BCL2L13: variants seen among roughly 807,000 people sequenced by gnomAD.
BCL2L13 encodes bcl-2-like protein 13.
In BCL2L13, 13 loss-of-function variants were observed where a neutral mutation model predicts 25.8. The ratio of observed to expected loss-of-function variants is 0.50; its 90% CI spans 0.33 to 0.80. The LOEUF is 0.80. Ranked by LOEUF, BCL2L13 falls within the 30% of genes least tolerant of loss-of-function variation. The pLI is 0.02. For missense variants in BCL2L13, 504 were observed against 574.9 expected (o/e 0.88, Z 1.26); for synonymous variants, 244 against 230.3 (o/e 1.06, Z -0.54).
chr22:17,664,220 G>T (rs1328856777), intron 2 of BCL2L13, among the ~76,000 whole-genome samples: 1 of 152,076 alleles, frequency 6.6e-6, no homozygotes, highest in Non-Finnish European at 1.5e-5. Context: ...CCTGACCTCA[G>T]GTGATCCAGC....
At chr22:17,679,549 C>T (rs531437864) in intron 2 of BCL2L13, among the ~76,000 whole-genome samples, 113 of 151,574 alleles carry the variant, frequency 7.5e-4, no homozygotes, top group Non-Finnish European at 1.1e-3. Context: ...GGATTACAGG[C>T]GTGAGCCACT....
intron 2 of BCL2L13, among the ~76,000 whole-genome samples, chr22:17,666,431 ATTAT>A (rs1017673837): frequency 2.6e-5 from 4 of 151,852 alleles, no homozygotes; most frequent in East Asian, 1.9e-4. Context: ...GGTCTTAGTC[ATTAT>A]TTATTTATTT....
chr22:17,696,857 T>C (rs190894238), intron 5 of BCL2L13, among the ~76,000 whole-genome samples: 11 of 152,268 alleles, frequency 7.2e-5, no homozygotes, highest in African/African-American at 2.6e-4. Flanking sequence ...GACTGTATTA[T>C]TTACTTAGCA....
chr22:17,708,329 T>C (rs73876494), intron 6 of BCL2L13, among the ~76,000 whole-genome samples: 2,246 of 152,188 alleles, frequency 0.015, 57 homozygotes, highest in African/African-American at 0.051. Flanking sequence ...ATCTAAGAGG[T>C]AGGACAGCAT....
chr22:17,671,393 C>CAA (rs33951569), intron 2 of BCL2L13, among the ~76,000 whole-genome samples: 3 of 69,082 alleles, frequency 4.3e-5, no homozygotes, highest in Admixed American at 1.8e-4. Flanking sequence ...GACTCCATCT[C>CAA]AAAAAAAAAA....
At chr22:17,682,538 C>A (rs2059786431) in intron 2 of BCL2L13, among the ~76,000 whole-genome samples, 2 of 152,078 alleles carry the variant, frequency 1.3e-5, no homozygotes, top group South Asian at 2.1e-4. Context: ...TTATCATATT[C>A]CATCTTCATA....
Position 17,688,641 on chromosome 22 carries a change from G to C in BCL2L13, c.230-345G>C, listed in dbSNP as rs1432018986. Among the ~76,000 whole-genome samples the C allele has an allele frequency of 2.6e-5, 4 of 152,098 alleles. No individual in the cohort carries two copies. The East Asian group carries it at 5.8e-4, about 22-fold the overall frequency. On this transcript the variant is annotated intron_variant, in intron 3 of 6. Transcript: ENST00000317582. ...AAATTTATGACCTATCAATGTTTACGTGCCAACAAAGATTAATGTCCACAA... is the reference window on the plus strand; with the variant it reads ...AAATTTATGACCTATCAATGTTTACCTGCCAACAAAGATTAATGTCCACAA...
chr22:17,637,011 C>G (rs12157642), upstream of BCL2L13, among the ~76,000 whole-genome samples: 52,156 of 151,580 alleles, frequency 0.34, 10,478 homozygotes, highest in African/African-American at 0.54. Flanking sequence ...GGTGGCGCAC[C>G]CCTGTAATCC....
At chr22:17,632,286 T>G (rs1464456057) in intron 1 of BCL2L13, among the ~76,000 whole-genome samples, 1 of 152,136 alleles carries the variant, frequency 6.6e-6, no homozygotes, top group Admixed American at 6.6e-5. Context: ...GTGTACATAT[T>G]GGTATATATA....
intron 1 of BCL2L13, among the ~76,000 whole-genome samples, chr22:17,653,618 T>G (rs553576754): frequency 4.0e-4 from 61 of 151,090 alleles, no homozygotes; most frequent in Non-Finnish European, 7.8e-4. Flanking sequence ...CCTCCTGCCT[T>G]ATCAGCCTCC....
chr22:17,656,011 T>C (rs937186500), intron 2 of BCL2L13, among the ~76,000 whole-genome samples, 179 bp downstream of exon 2: 3 of 152,084 alleles, frequency 2.0e-5, no homozygotes, highest in African/African-American at 2.4e-5. Context: ...GGGAGGCTGA[T>C]GTGAGCAGAT....
intron 2 of BCL2L13, among the ~76,000 whole-genome samples, chr22:17,680,905 C>T (rs898142428): frequency 6.6e-6 from 1 of 152,000 alleles, no homozygotes; most frequent in Non-Finnish European, 1.5e-5. Context: ...ACCATACCTG[C>T]GAGGTCTGGT....
At chr22:17,647,973 A>G (rs2146445137) in intron 1 of BCL2L13, among the ~76,000 whole-genome samples, 1 of 152,208 alleles carries the variant, frequency 6.6e-6, no homozygotes, top group Non-Finnish European at 1.5e-5. Flanking sequence ...ACTAAAAAAT[A>G]CAAAAAATTA....
chr22:17,670,592 TC>T (rs1478782408), intron 2 of BCL2L13, among the ~76,000 whole-genome samples: 1 of 152,106 alleles, frequency 6.6e-6, no homozygotes, highest in Non-Finnish European at 1.5e-5. Context: ...CAGGCTGGTC[TC>T]AAGCCCCCGA....
intron 2 of BCL2L13, among the ~76,000 whole-genome samples, chr22:17,682,900 G>A (rs184691031): frequency 8.1e-4 from 123 of 152,314 alleles, no homozygotes; most frequent in African/African-American, 2.8e-3. Context: ...TTGGGAGGCC[G>A]AGGCAGGCGG....
chr22:17,671,741 C>T (rs2059426947), intron 2 of BCL2L13, among the ~76,000 whole-genome samples: 2 of 152,178 alleles, frequency 1.3e-5, no homozygotes, highest in Admixed American at 6.6e-5. Flanking sequence ...CAGAGTCTCA[C>T]ACTCTTTCCC....
Position 17,729,524 on chromosome 22 carries a change from G to T in BCL2L13, c.*1990G>T, listed in dbSNP as rs760944543. On this transcript the variant is annotated 3_prime_UTR_variant, in exon 7 of 7. Coordinates refer to ENST00000317582, the MANE Select transcript of BCL2L13 (RefSeq NM_015367.4). ...AAAGTAATAAATCCTATGAGTTCCA[G>T]TATTAACACTTGCCAGTTCTGGATC... The T allele has an allele frequency of 8.5e-5, 13 of 152,214 alleles. 1 individual carries two copies. Among genetic ancestry groups the T allele is most frequent in the Admixed American group, 1.3e-4 (2 of 15,276 alleles). 9.4% of individuals were successfully genotyped at this position (152,214 alleles called of 1,614,324 possible).
intron 6 of BCL2L13, among the ~76,000 whole-genome samples, chr22:17,707,831 G>C (rs983429086): frequency 3.3e-5 from 5 of 152,026 alleles, no homozygotes; most frequent in African/African-American, 7.2e-5. Context: ...GTCTCAGAAG[G>C]TAAAATATTG....
intron 2 of BCL2L13, among the ~76,000 whole-genome samples, chr22:17,663,211 G>A (rs1273999442): frequency 6.6e-6 from 1 of 152,156 alleles, no homozygotes; most frequent in Non-Finnish European, 1.5e-5. Context: ...CCACAGCAAT[G>A]GAGGTATCTA....
Sources: gnomAD v4.1 joint callset for allele counts (sites outside exome capture counted in the v4.1 genomes callset) on GRCh38, gnomAD v4.1.1 for gene constraint, MANE v1.5 for transcripts, NCBI Gene and HGNC (gene_info 2026-07-23, HGNC 2026-07-21) for gene names.